The following TNRC6B variants were observed in gnomAD, a reference collection of about 807,000 sequenced individuals.
The protein encoded by TNRC6B is trinucleotide repeat-containing gene 6B protein.
In TNRC6B, 52 loss-of-function variants were observed where a neutral mutation model predicts 203.6. The observed-to-expected ratio is 0.26, with a 90% CI of 0.20 to 0.32. The LOEUF (loss-of-function observed/expected upper bound fraction) is 0.32. TNRC6B is among the 10% of genes least tolerant of loss of function. TNRC6B has a pLI of 1.00. For synonymous variants in TNRC6B, 838 were observed against 845.7 expected, an observed-to-expected ratio of 0.99 and a Z score of 0.16; for missense variants, 1,923 against 2,286.2, an observed-to-expected ratio of 0.84 and a Z score of 3.24.
intron 19 of TNRC6B, 138 bp from the exon 20 acceptor site, chr22:40,315,145 G>T: frequency 1.4e-6 from 1 of 706,410 alleles, no homozygotes; most frequent in South Asian, 1.9e-5. Flanking sequence ...TTGTATTGCT[G>T]TGCTTAAAAT....
intron 3 of TNRC6B, 38 bp downstream of exon 3, chr22:40,251,238 T>G (rs762300906): frequency 6.7e-6 from 10 of 1,488,260 alleles, no homozygotes; most frequent in African/African-American, 1.4e-5. Context: ...ATTTAGAACC[T>G]TTTGTGTTTA....
intron 3 of TNRC6B, among the ~76,000 whole-genome samples, chr22:40,146,561 ATTTTTT>A (rs59901929): frequency 9.2e-5 from 10 of 109,222 alleles, no homozygotes; most frequent in East Asian, 7.7e-4. Flanking sequence ...CGCCCGGCTA[ATTTTTT>A]TTTTTTTTTT....
chr22:40,178,182 A>AT (rs748264305), intron 1 of TNRC6B, 42 bp downstream of exon 1: 30 of 1,609,992 alleles, frequency 1.9e-5, no homozygotes, highest in Non-Finnish European at 2.4e-5. Context: ...ATTGATTTAT[A>AT]TGGATCTTGT....
rs548625465 is a variant in TNRC6B, at chr22:40,178,009, C to G, written c.-127C>G. ...GCCAAAATGGCCGACAGAGTCTCTG[C>G]TGGTTTCTGAATATTTAAAATACAA... On this transcript the variant is annotated 5_prime_UTR_variant, in exon 1 of 23. Transcript: ENST00000454349. 2 of 1,545,588 alleles carry G rather than the reference C, an allele frequency of 1.3e-6. No homozygotes were observed. The highest frequency in any genetic ancestry group is 2.5e-5 in the South Asian group (2 of 80,878).
chr22:40,222,728 C>CTTTTTTTTTTTTTTTTT lies in TNRC6B; in HGVS notation c.6-23270_6-23254dup, dbSNP rs61374373. ...ATCTTGCTGTATTCTCTCTCTCTCT[C>CTTTTTTTTTTTTTTTTT]TTTTTTTTTTTTTTTTTTTTTTTTT... On this transcript the variant is annotated intron_variant, in intron 1 of 22. Coordinates refer to ENST00000454349, the MANE Select transcript of TNRC6B (RefSeq NM_001162501.2). 1.4e-3 allele frequency among the ~76,000 whole-genome samples: 56 copies of CTTTTTTTTTTTTTTTTT among 40,212 alleles called. 15 individuals carry two copies. The highest frequency in any genetic ancestry group is 4.4e-3 in the South Asian group (3 of 678). 26.4% of individuals were successfully genotyped at this position (40,212 alleles called of 152,430 possible).
intron 1 of TNRC6B, among the ~76,000 whole-genome samples, chr22:40,186,114 G>T (rs1433180255): frequency 6.6e-6 from 1 of 152,086 alleles, no homozygotes; most frequent in Non-Finnish European, 1.5e-5. Context: ...AGGTCACCAT[G>T]GGACTGTAAA....
At chr22:40,285,826 C>T (rs1245454580) in intron 12 of TNRC6B, 56 bp downstream of exon 12, 1 of 1,582,344 alleles carries the variant, frequency 6.3e-7, no homozygotes, top group African/African-American at 1.4e-5. Context: ...ACATCATTAC[C>T]AGTTGTTAAC....
chr22:40,073,845 G>A (rs562283143), intron 1 of TNRC6B, among the ~76,000 whole-genome samples: 5 of 152,210 alleles, frequency 3.3e-5, no homozygotes, highest in African/African-American at 1.2e-4. Context: ...ATCACCTGAT[G>A]TCAGGAGTTC....
At chr22:40,122,095 C>T (rs1027509102) in intron 2 of TNRC6B, among the ~76,000 whole-genome samples, 4 of 152,322 alleles carry the variant, frequency 2.6e-5, no homozygotes, top group East Asian at 1.9e-4. Flanking sequence ...TTTGGTGCCA[C>T]GCACCAGAAG....
At chr22:40,171,270 T>G (rs1440482799) in intron 4 of TNRC6B, among the ~76,000 whole-genome samples, 1 of 150,434 alleles carries the variant, frequency 6.6e-6, no homozygotes, top group East Asian at 2.0e-4. Flanking sequence ...CAAGCGATTC[T>G]CCTGCCTCAG....
intron 7 of TNRC6B, among the ~76,000 whole-genome samples, chr22:40,274,925 G>C (rs111588001): frequency 6.6e-6 from 1 of 152,086 alleles, no homozygotes; most frequent in South Asian, 2.1e-4. Flanking sequence ...GTGGAAATAC[G>C]AAATGGGCAT....
intron 1 of TNRC6B, among the ~76,000 whole-genome samples, chr22:40,116,135 A>G (rs557928654): frequency 5.3e-5 from 8 of 152,208 alleles, no homozygotes; most frequent in Non-Finnish European, 8.8e-5. Context: ...CTGACTTACA[A>G]TCTCTAGCTG....
At chr22:40,098,503 A>G (rs1049587437) in intron 1 of TNRC6B, among the ~76,000 whole-genome samples, 2 of 151,926 alleles carry the variant, frequency 1.3e-5, no homozygotes, top group African/African-American at 2.4e-5. Flanking sequence ...CGCCATCAGT[A>G]TATGATCGTG....
At chr22:40,204,635 T>C (rs1231106612) in intron 1 of TNRC6B, among the ~76,000 whole-genome samples, 1 of 152,216 alleles carries the variant, frequency 6.6e-6, no homozygotes, top group Non-Finnish European at 1.5e-5. Flanking sequence ...CTCTAAATGA[T>C]ACATGTGTAA....
intron 22 of TNRC6B, 146 bp downstream of exon 22, chr22:40,321,375 A>G: frequency 1.0e-6 from 1 of 988,502 alleles, no homozygotes; most frequent in Non-Finnish European, 1.5e-6. Flanking sequence ...TCGAGTGTGG[A>G]GAGTGTGGAG....
At chr22:40,175,380 A>T (rs1009504114), upstream of TNRC6B, among the ~76,000 whole-genome samples, 12 of 152,180 alleles carry the variant, frequency 7.9e-5, no homozygotes, top group Non-Finnish European at 1.8e-4. Context: ...ATATGTTTTC[A>T]GCATATTATT....
intron 2 of TNRC6B, among the ~76,000 whole-genome samples, chr22:40,120,392 A>G (rs552847876): frequency 6.6e-6 from 1 of 151,750 alleles, no homozygotes; most frequent in South Asian, 2.1e-4. Context: ...TGGATTGGTG[A>G]TGAGGGGAAG....
intron 12 of TNRC6B, among the ~76,000 whole-genome samples, chr22:40,299,886 G>T (rs2070999099): frequency 6.6e-6 from 1 of 152,198 alleles, no homozygotes; most frequent in African/African-American, 2.4e-5. Context: ...GCCTCGCCTA[G>T]CTCACTCCTG....
Position 40,319,606 on chromosome 22 carries a change from T to C in TNRC6B, c.4975-1484T>C, listed in dbSNP as rs564131312. Among the ~76,000 whole-genome samples, 10 of 152,122 alleles carry C rather than the reference T, an allele frequency of 6.6e-5. No individual in the cohort carries two copies. In the East Asian group the frequency reaches 1.7e-3, roughly 27 times the overall value. On this transcript the variant is annotated intron_variant, in intron 21 of 22. Transcript: ENST00000454349. ...TGCCTGGCTAATTTTTTTGTGTTTT[T>C]AGTAGAGATGGGTTTCACCATGTTA...
Sources: gnomAD v4.1 joint callset for allele counts (sites outside exome capture counted in the v4.1 genomes callset) on GRCh38, gnomAD v4.1.1 for gene constraint, MANE v1.5 for transcripts, NCBI Gene and HGNC (gene_info 2026-07-23, HGNC 2026-07-21) for gene names.